ARMH4: variants seen among roughly 807,000 people sequenced by gnomAD.
ARMH4 encodes armadillo-like helical domain-containing protein 4.
In ARMH4, 49 loss-of-function variants were observed where a neutral mutation model predicts 61.9. The ratio of observed to expected loss-of-function variants is 0.79; its 90% confidence interval spans 0.63 to 1.00. ARMH4 has a LOEUF of 1.00. Among genes scored for constraint, ARMH4 ranks in the 50% least tolerant of loss-of-function variants. The pLI, the probability that ARMH4 is intolerant of heterozygous loss-of-function variation, is 0.00. For missense variants in ARMH4, 934 were observed against 930.0 expected (o/e 1.00, Z -0.06); for synonymous variants, 368 against 341.5 (o/e 1.08, Z -0.85).
At chr14:58,009,654 T>C (rs947105762) in intron 6 of ARMH4, among the ~76,000 whole-genome samples, 5 of 151,804 alleles carry the variant, frequency 3.3e-5, no homozygotes, top group Admixed American at 3.3e-4. Flanking sequence ...CTACTAAAAA[T>C]ACAAAAATTA....
At chr14:58,061,640 C>T (rs138661638) in intron 5 of ARMH4, among the ~76,000 whole-genome samples, 101 of 152,310 alleles carry the variant, frequency 6.6e-4, no homozygotes, top group African/African-American at 2.3e-3. Flanking sequence ...TGAGATAAAA[C>T]GTCAAATATG....
intron 5 of ARMH4, among the ~76,000 whole-genome samples, chr14:58,077,091 G>A (rs77533306): frequency 0.047 from 7,172 of 152,258 alleles, 192 homozygotes; most frequent in Middle Eastern, 0.085. Flanking sequence ...CAATGAGGGG[G>A]TCATGGATGC....
chr14:58,077,544 T>C (rs902518609), intron 5 of ARMH4, among the ~76,000 whole-genome samples: 3 of 152,012 alleles, frequency 2.0e-5, no homozygotes, highest in Non-Finnish European at 1.5e-5. Flanking sequence ...GAGGTCAAGG[T>C]TGTAATGAGA....
At chr14:58,089,133 T>A (rs1292960974) in intron 5 of ARMH4, among the ~76,000 whole-genome samples, 1 of 152,244 alleles carries the variant, frequency 6.6e-6, no homozygotes, top group African/African-American at 2.4e-5. Flanking sequence ...GGCTGAGGTT[T>A]CTTTCCTTCC....
chr14:58,005,795 G>C (rs1882150279), intron 6 of ARMH4, among the ~76,000 whole-genome samples: 1 of 152,196 alleles, frequency 6.6e-6, no homozygotes, highest in African/African-American at 2.4e-5. Context: ...AGATGTTGGA[G>C]CAAAGGCAGA....
Position 58,131,688 on chromosome 14 carries a change from T to A in ARMH4, c.1655A>T (p.Glu552Val). The part of the protein sequence containing the change: ...QMDTVTGPNE[E>V]FTPVLGSPVT... The stretch of plus-strand genomic sequence containing the variant: ...TGGAGATCCCAGAACTGGTGTGAAC[T>A]CCTCATTTGGCCCTGTGACTGTGTC... Residue 552 changes from glutamate to valine, a missense_variant, in exon 4 of 8, where the codon GAG (glutamate) becomes GTG (valine). Physicochemically the swap from Glu to Val is moderately radical, Grantham distance 121. Transcript: ENST00000267485. 1 of 1,607,388 alleles carries A rather than the reference T, an allele frequency of 6.2e-7. No individual in the cohort carries two copies. Among genetic ancestry groups the A allele is most frequent in the South Asian group, 1.1e-5 (1 of 91,032 alleles).
At chr14:58,027,168 G>A (rs901374604) in intron 5 of ARMH4, among the ~76,000 whole-genome samples, 1 of 152,228 alleles carries the variant, frequency 6.6e-6, no homozygotes, top group Admixed American at 6.5e-5. Flanking sequence ...GAACACCTGA[G>A]CACTGATGAC....
chr14:58,069,585 C>T (rs964185134), intron 5 of ARMH4, among the ~76,000 whole-genome samples: 5 of 152,086 alleles, frequency 3.3e-5, no homozygotes, highest in Admixed American at 1.3e-4. Flanking sequence ...ATCTTAGAAA[C>T]ATGAAAGAAC....
chr14:58,009,090 TTTC>T (rs1882291073), intron 6 of ARMH4, among the ~76,000 whole-genome samples: 2 of 152,146 alleles, frequency 1.3e-5, no homozygotes, highest in African/African-American at 4.8e-5. Context: ...TATCCATTCT[TTTC>T]TTCTTCTATA....
intron 6 of ARMH4, among the ~76,000 whole-genome samples, chr14:58,005,800 G>C (rs1335233792): frequency 4.6e-5 from 7 of 152,186 alleles, no homozygotes; most frequent in Admixed American, 4.6e-4. Flanking sequence ...TTGGAGCAAA[G>C]GCAGAAAAGA....
At chr14:58,024,491 A>G (rs1180568663) in intron 5 of ARMH4, among the ~76,000 whole-genome samples, 1 of 152,160 alleles carries the variant, frequency 6.6e-6, no homozygotes, top group African/African-American at 2.4e-5. Context: ...GATCTTCTAC[A>G]CAGGCCACTA....
intron 5 of ARMH4, among the ~76,000 whole-genome samples, chr14:58,035,469 C>A (rs375333244): frequency 2.6e-3 from 226 of 87,294 alleles, no homozygotes; most frequent in South Asian, 3.3e-3. Context: ...AATTAACACC[C>A]TAACATCACA....
At chr14:58,143,826 T>A (rs2139995152) in intron 1 of ARMH4, among the ~76,000 whole-genome samples, 1 of 145,628 alleles carries the variant, frequency 6.9e-6, no homozygotes, top group African/African-American at 2.6e-5. Context: ...CAGGTCGGAG[T>A]TTGATGGTGT....
chr14:58,019,416 A>T (rs1033427994), intron 5 of ARMH4, among the ~76,000 whole-genome samples: 5 of 152,066 alleles, frequency 3.3e-5, no homozygotes, highest in Non-Finnish European at 7.4e-5. Context: ...TTAAAAACTA[A>T]TTTTTTTATA....
intron 5 of ARMH4, among the ~76,000 whole-genome samples, chr14:58,087,876 G>A (rs866920721): frequency 7.9e-5 from 12 of 152,110 alleles, no homozygotes; most frequent in African/African-American, 1.2e-4. Context: ...CAGAAGTCTC[G>A]TGAACATAAA....
rs1224304344 is a variant in ARMH4, at chr14:58,096,812, G to A, written c.2001C>T (p.Gly667=). 1 of 1,614,078 alleles carries A rather than the reference G, an allele frequency of 6.2e-7. No homozygotes were observed. Among genetic ancestry groups the A allele is most frequent in the East Asian group, 2.2e-5 (1 of 44,872 alleles). ...ACAGGTCCATGTTTCCCTCCTCTAA[G>A]CCTGGTTCCTGGGATGTGATACCAG... is the stretch of plus-strand genomic sequence containing the variant. ...TLPGITSQEP[G]LEEGNMDLLE... is the part of the protein sequence containing the mutation. Residue 667 remains glycine (G), a synonymous_variant, in exon 5 of 8, where the codon GGC becomes GGT. Coordinates refer to ENST00000267485, the MANE Select transcript of ARMH4 (RefSeq NM_001001872.4).
At chr14:58,053,709 G>A (rs977788090) in intron 5 of ARMH4, among the ~76,000 whole-genome samples, 5 of 152,112 alleles carry the variant, frequency 3.3e-5, no homozygotes, top group Admixed American at 6.5e-5. Context: ...CAGTTACCAC[G>A]AGGGCAGTCC....
intron 6 of ARMH4, among the ~76,000 whole-genome samples, chr14:58,008,734 G>A (rs1876786864): frequency 6.6e-6 from 1 of 152,152 alleles, no homozygotes; most frequent in Non-Finnish European, 1.5e-5. Flanking sequence ...TATGTCTATG[G>A]TGGAGTCTGA....
intron 6 of ARMH4, 52 bp from the exon 7 acceptor site, chr14:58,005,234 T>C: frequency 1.2e-6 from 2 of 1,608,492 alleles, no homozygotes; most frequent in Non-Finnish European, 1.7e-6. Flanking sequence ...CGCGCCGCCC[T>C]GGGTTTCTCA....
Sources: gnomAD v4.1 joint callset for allele counts (sites outside exome capture counted in the v4.1 genomes callset) on GRCh38, gnomAD v4.1.1 for gene constraint, MANE v1.5 for transcripts, NCBI Gene and HGNC (gene_info 2026-07-23, HGNC 2026-07-21) for gene names.